The following COMMD10 variants were observed in gnomAD, a reference collection of about 807,000 sequenced individuals.
The protein encoded by COMMD10 is COMM domain-containing protein 10.
In COMMD10, 33 loss-of-function variants were observed where a neutral mutation model predicts 28.9. The ratio of observed to expected loss-of-function variants is 1.14; its 90% CI spans 0.87 to 1.53. The LOEUF (loss-of-function observed/expected upper bound fraction) is 1.53. Ranked by LOEUF, COMMD10 falls within the 40% of genes most tolerant of loss-of-function variation. The pLI is 0.00. For synonymous variants in COMMD10, 110 were observed against 81.7 expected (o/e 1.35, Z -1.87); for missense variants, 310 against 233.4 (o/e 1.33, Z -2.14).
intron 5 of COMMD10, among the ~76,000 whole-genome samples, chr5:116,222,239 G>C (rs1749278597): frequency 6.6e-6 from 1 of 152,138 alleles, no homozygotes; most frequent in African/African-American, 2.4e-5. Context: ...CTCAAGAGTT[G>C]AAGAAAATAA....
chr5:116,211,500 G>A (rs554862574), intron 5 of COMMD10, among the ~76,000 whole-genome samples: 71 of 152,070 alleles, frequency 4.7e-4, no homozygotes, highest in African/African-American at 1.7e-3. Context: ...AGGAAATTTT[G>A]GTTCTATTTT....
chr5:116,158,048 C>A (rs1338268770), intron 5 of COMMD10, among the ~76,000 whole-genome samples: 3 of 151,474 alleles, frequency 2.0e-5, no homozygotes, highest in African/African-American at 4.9e-5. Context: ...TCTTCTAGAT[C>A]CTGGCCTGTA....
chr5:116,134,464 T>C (rs1751967425), intron 5 of COMMD10, among the ~76,000 whole-genome samples: 1 of 152,190 alleles, frequency 6.6e-6, no homozygotes. Context: ...TTCCTGAGTG[T>C]TTCATGTTTT....
At chr5:116,192,841 A>G (rs556201955) in intron 5 of COMMD10, among the ~76,000 whole-genome samples, 23 of 152,306 alleles carry the variant, frequency 1.5e-4, no homozygotes, top group Non-Finnish European at 2.5e-4. Flanking sequence ...TCACAAAGAG[A>G]TCATGGCACA....
intron 4 of COMMD10, among the ~76,000 whole-genome samples, chr5:116,099,006 T>C (rs1435218220): frequency 6.6e-6 from 1 of 152,166 alleles, no homozygotes; most frequent in East Asian, 1.9e-4. Context: ...CTACTGTCTT[T>C]GAAAACTTAA....
In COMMD10 at chr5:116,092,534, C is replaced by A; in HGVS notation, c.244-11C>A. 1 of 1,531,480 alleles carries A rather than the reference C, an allele frequency of 6.5e-7. No homozygotes were observed. The highest frequency in any genetic ancestry group is 1.3e-5 in the South Asian group (1 of 76,964). The allele number at this position is 1,531,480 out of a possible 1,614,324, so 94.9% of individuals were successfully genotyped here. Reference sequence around the variant, plus strand: ...GAGGGACATATGTAATTTTTTGTTTCTTTTTAATAGGCAGTGTATCACAAT... The same window carrying A: ...GAGGGACATATGTAATTTTTTGTTTATTTTTAATAGGCAGTGTATCACAAT... On this transcript the variant is annotated splice_polypyrimidine_tract_variant and intron_variant, in intron 3 of 6. Transcript: ENST00000274458.
intron 5 of COMMD10, among the ~76,000 whole-genome samples, chr5:116,225,645 C>G (rs1749376197): frequency 6.6e-6 from 1 of 152,012 alleles, no homozygotes. Flanking sequence ...TTTGTTGTTT[C>G]TTTGTGTCTC....
intron 5 of COMMD10, among the ~76,000 whole-genome samples, chr5:116,254,175 G>T (rs1750208218): frequency 6.6e-6 from 1 of 151,774 alleles, no homozygotes; most frequent in Non-Finnish European, 1.5e-5. Flanking sequence ...GCGTCTATTT[G>T]ATTCTTCTCT....
chr5:116,204,431 CT>C (rs899916582), intron 5 of COMMD10, among the ~76,000 whole-genome samples: 3 of 151,330 alleles, frequency 2.0e-5, no homozygotes, highest in African/African-American at 7.3e-5. Context: ...CTCCATCCTC[CT>C]TTTTTTTTCT....
intron 5 of COMMD10, among the ~76,000 whole-genome samples, chr5:116,268,918 A>G (rs1580599686): frequency 6.6e-6 from 1 of 151,254 alleles, no homozygotes; most frequent in Admixed American, 6.6e-5. Flanking sequence ...GGACACAGAG[A>G]GAGGAACATC....
intron 5 of COMMD10, among the ~76,000 whole-genome samples, chr5:116,190,931 A>G (rs1263288257): frequency 2.0e-5 from 3 of 152,228 alleles, no homozygotes; most frequent in South Asian, 2.1e-4. Flanking sequence ...CAAATTAAAC[A>G]TATTACCAAA....
At chr5:116,284,537 C>T (rs1455479652) in intron 5 of COMMD10, among the ~76,000 whole-genome samples, 2 of 151,744 alleles carry the variant, frequency 1.3e-5, no homozygotes, top group Non-Finnish European at 2.9e-5. Context: ...ATCTTTCTGA[C>T]TCTGAGGAAA....
intron 5 of COMMD10, among the ~76,000 whole-genome samples, chr5:116,225,096 G>A (rs1281105190): frequency 2.6e-5 from 4 of 151,966 alleles, no homozygotes; most frequent in Non-Finnish European, 5.9e-5. Context: ...ACCATTTGGT[G>A]AATATTTTAT....
At chr5:116,207,130 C>G (rs1424124904) in intron 5 of COMMD10, among the ~76,000 whole-genome samples, 1 of 152,128 alleles carries the variant, frequency 6.6e-6, no homozygotes, top group Non-Finnish European at 1.5e-5. Context: ...TTAATAATTA[C>G]AATTATTATA....
At chr5:116,199,432 T>A (rs1748607994) in intron 5 of COMMD10, among the ~76,000 whole-genome samples, 1 of 152,178 alleles carries the variant, frequency 6.6e-6, no homozygotes, top group Non-Finnish European at 1.5e-5. Flanking sequence ...CTTAACAGTG[T>A]CTTCCCCAGT....
chr5:116,260,220 A>G (rs934220483), intron 5 of COMMD10, among the ~76,000 whole-genome samples: 5 of 151,866 alleles, frequency 3.3e-5, no homozygotes, highest in Non-Finnish European at 7.4e-5. Context: ...ACTTATCAAC[A>G]TATTATGAAG....
rs17138918 is a variant in COMMD10, at chr5:116,133,971, T to A, written c.400-97T>A. The A allele has an allele frequency of 8.1e-4, 589 of 725,972 alleles. 3 individuals carry two copies. The African/African-American group carries it at 9.6e-3, about 12-fold the overall frequency. 45.0% of individuals were successfully genotyped at this position (725,972 alleles called of 1,614,324 possible). ...AACTGACTTTCTGTGAAGCCTAGGC[T>A]ATCCATATACATTCCTGCTGAGTGG... On this transcript the variant is annotated intron_variant, in intron 4 of 6. Transcript: ENST00000274458.
chr5:116,157,781 T>A (rs1752765355), intron 5 of COMMD10, among the ~76,000 whole-genome samples: 1 of 152,276 alleles, frequency 6.6e-6, no homozygotes, highest in East Asian at 1.9e-4. Context: ...AGTTGTACAG[T>A]TTATACTCCC....
chr5:116,112,355 C>T (rs2112738502), intron 4 of COMMD10, among the ~76,000 whole-genome samples: 1 of 152,096 alleles, frequency 6.6e-6, no homozygotes, highest in African/African-American at 2.4e-5. Context: ...GTCTATGTGT[C>T]TTCACAGATA....
Sources: allele counts gnomAD v4.1 joint callset (sites outside exome capture counted in the v4.1 genomes callset), GRCh38; gene constraint gnomAD v4.1.1; transcripts MANE v1.5; gene names NCBI Gene and HGNC (gene_info 2026-07-23, HGNC 2026-07-21).